The following PDE7A variants were observed in gnomAD, a reference collection of about 807,000 sequenced individuals.
PDE7A encodes high affinity 3',5'-cyclic-AMP phosphodiesterase 7A.
Under a neutral mutation model 64.3 loss-of-function variants are expected in PDE7A, and 39 were observed. The ratio of observed to expected loss-of-function variants is 0.61; its 90% CI spans 0.47 to 0.79. The LOEUF is 0.79. Among genes scored for constraint, PDE7A ranks in the 30% least tolerant of loss-of-function variants. PDE7A has a pLI of 0.00. For synonymous variants in PDE7A, 203 were observed against 206.8 expected (o/e 0.98, Z 0.16); for missense variants, 470 against 582.8 (o/e 0.81, Z 1.99).
chr8:65,716,486 G>C lies in PDE7A; in HGVS notation c.*2804C>G, dbSNP rs1176653525. 6.6e-6 allele frequency among the ~76,000 whole-genome samples: 1 copy of C among 152,114 alleles called. No individual in the cohort carries two copies. Among genetic ancestry groups the C allele is most frequent in the Non-Finnish European group, 1.5e-5 (1 of 68,018 alleles). On this transcript the variant is annotated 3_prime_UTR_variant, in exon 13 of 13. Coordinates refer to ENST00000401827, the MANE Select transcript of PDE7A (RefSeq NM_001242318.3). Reference sequence around the variant, plus strand: ...GAATCTCTAGCACCTTCCAGGGGAAGAGGGTACCCTGGTCCACAAACATGA... The same window carrying C: ...GAATCTCTAGCACCTTCCAGGGGAACAGGGTACCCTGGTCCACAAACATGA...
chr8:65,746,266 G>A (rs963080019), intron 4 of PDE7A, among the ~76,000 whole-genome samples: 15 of 151,980 alleles, frequency 9.9e-5, no homozygotes, highest in African/African-American at 3.1e-4. Context: ...TTTTAGGGAC[G>A]TAGAAACAAG....
chr8:65,739,363 A>T, intron 6 of PDE7A, 139 bp downstream of exon 6: 4 of 952,632 alleles, frequency 4.2e-6, no homozygotes, highest in Non-Finnish European at 5.7e-6. Flanking sequence ...AGAGCTAAAT[A>T]ACTGTGTGTT....
chr8:65,727,141 A>G, intron 8 of PDE7A, 29 bp downstream of exon 8: 1 of 1,328,658 alleles, frequency 7.5e-7, no homozygotes, highest in Non-Finnish European at 1.1e-6. Flanking sequence ...TGCAAAAATA[A>G]TAAATCTTGA....
chr8:65,818,752 C>T (rs1810472560), intron 1 of PDE7A, among the ~76,000 whole-genome samples: 2 of 152,196 alleles, frequency 1.3e-5, no homozygotes, highest in African/African-American at 2.4e-5. Flanking sequence ...TGAGCACATG[C>T]ACAGCCTCAT....
At chr8:65,838,389 T>C (rs1489566214) in intron 1 of PDE7A, 1 of 152,238 alleles carries the variant, frequency 6.6e-6, no homozygotes, top group East Asian at 1.9e-4. Flanking sequence ...ATCTACTTTA[T>C]CATTCACTAA....
rs1246555595 is a variant in PDE7A at position 65,718,137 on chromosome 8, C to T, written c.*1153G>A. 2 of 152,234 alleles carry T rather than the reference C, an allele frequency of 1.3e-5. No individual in the cohort carries two copies. Among genetic ancestry groups the T allele is most frequent in the Non-Finnish European group, 2.9e-5 (2 of 68,040 alleles). 9.4% of individuals were successfully genotyped at this position (152,234 alleles called of 1,614,324 possible). On this transcript the variant is annotated 3_prime_UTR_variant, in exon 13 of 13. Coordinates refer to ENST00000401827, the MANE Select transcript of PDE7A (RefSeq NM_001242318.3). Reference sequence around the variant, plus strand: ...CATAGTTTAAGGCAACTGGAGCAATCTGTTACAGCTTACCTACCAACCTTC... The same window carrying T: ...CATAGTTTAAGGCAACTGGAGCAATTTGTTACAGCTTACCTACCAACCTTC...
At chr8:65,764,645 G>A (rs1563495780) in intron 3 of PDE7A, among the ~76,000 whole-genome samples, 3 of 152,280 alleles carry the variant, frequency 2.0e-5, no homozygotes, top group East Asian at 3.9e-4. Context: ...GGAGTTACTA[G>A]ATATTAAAGA....
At chr8:65,757,418 T>C (rs1808282898) in intron 3 of PDE7A, among the ~76,000 whole-genome samples, 3 of 152,200 alleles carry the variant, frequency 2.0e-5, no homozygotes. Flanking sequence ...TATTAATAAC[T>C]AGTCCAGTCC....
At chr8:65,740,723 C>G (rs1807386083) in intron 5 of PDE7A, among the ~76,000 whole-genome samples, 1 of 152,152 alleles carries the variant, frequency 6.6e-6, no homozygotes, top group African/African-American at 2.4e-5. Flanking sequence ...CTTTCAAAAG[C>G]CAATCCATCC....
intron 1 of PDE7A, among the ~76,000 whole-genome samples, chr8:65,806,043 A>G (rs1349603886): frequency 6.6e-6 from 1 of 152,238 alleles, no homozygotes; most frequent in Non-Finnish European, 1.5e-5. Flanking sequence ...GAAAACAATC[A>G]TGGATAAGCA....
intron 1 of PDE7A, among the ~76,000 whole-genome samples, chr8:65,790,205 C>G (rs186062333): frequency 6.6e-6 from 1 of 152,290 alleles, no homozygotes; most frequent in East Asian, 1.9e-4. Flanking sequence ...GGAGGAGGAG[C>G]CAGATGACGC....
At chr8:65,815,700 G>T (rs886576269) in intron 1 of PDE7A, among the ~76,000 whole-genome samples, 1 of 152,002 alleles carries the variant, frequency 6.6e-6, no homozygotes, top group Non-Finnish European at 1.5e-5. Context: ...ATTATACATT[G>T]CTAAGATCCA....
rs1265815664 is a variant in PDE7A at position 65,714,880 on chromosome 8, C to T, written c.*4410G>A. The T allele has an allele frequency of 2.0e-5, 3 of 151,926 alleles. No homozygotes were observed. The highest frequency in any genetic ancestry group is 7.3e-5 in the African/African-American group (3 of 41,226). 9.4% of individuals were successfully genotyped at this position (151,926 alleles called of 1,614,324 possible). On this transcript the variant is annotated 3_prime_UTR_variant, in exon 13 of 13. Coordinates refer to ENST00000401827, the MANE Select transcript of PDE7A (RefSeq NM_001242318.3). ...CCTCAGGTACAAATATATTTGTTTG[C>T]AAAGGACATAAAATATGATTTTTAC...
intron 3 of PDE7A, among the ~76,000 whole-genome samples, chr8:65,772,516 GAAGAA>G (rs1371337639): frequency 6.6e-6 from 1 of 152,184 alleles, no homozygotes. Flanking sequence ...ACTTCACAGG[GAAGAA>G]GAGGGGTAAA....
chr8:65,728,531 G>C (rs1018005571), intron 7 of PDE7A: 6 of 152,086 alleles, frequency 3.9e-5, no homozygotes, highest in Non-Finnish European at 8.8e-5. Flanking sequence ...TCAATGAATA[G>C]GAGAAGATGA....
At chr8:65,788,822 T>A in intron 1 of PDE7A, 1 of 1,161,556 alleles carries the variant, frequency 8.6e-7, no homozygotes, top group Non-Finnish European at 1.3e-6. Context: ...GCTATTTAAT[T>A]CCTATCAAAT....
chr8:65,779,465 A>G (rs551937386), intron 3 of PDE7A, among the ~76,000 whole-genome samples: 1 of 140,652 alleles, frequency 7.1e-6, no homozygotes, highest in African/African-American at 2.9e-5. Context: ...CTTTTTAAAG[A>G]AAAAAAAGTA....
intron 6 of PDE7A, among the ~76,000 whole-genome samples, chr8:65,735,595 G>A (rs890484283): frequency 1.3e-5 from 2 of 152,054 alleles, no homozygotes; most frequent in Admixed American, 1.3e-4. Flanking sequence ...ACAGGTGTGA[G>A]CCACTATGCC....
intron 1 of PDE7A, among the ~76,000 whole-genome samples, chr8:65,840,166 T>C (rs1811045670): frequency 6.6e-6 from 1 of 152,210 alleles, no homozygotes; most frequent in South Asian, 2.1e-4. Context: ...AACCATGTAA[T>C]ATTATTCTAA....
Sources: gnomAD v4.1 joint callset for allele counts (sites outside exome capture counted in the v4.1 genomes callset) on GRCh38, gnomAD v4.1.1 for gene constraint, MANE v1.5 for transcripts, NCBI Gene and HGNC (gene_info 2026-07-23, HGNC 2026-07-21) for gene names.